The following SLC7A11 variants were observed in gnomAD, a reference collection of about 807,000 sequenced individuals.
The protein encoded by SLC7A11 is solute carrier family 7 member 11, also known as cystine/glutamate transporter.
In SLC7A11, 35 loss-of-function variants were observed where a neutral mutation model predicts 54.5. That is an observed-to-expected ratio of 0.64 (90% CI 0.49 to 0.85). The LOEUF (loss-of-function observed/expected upper bound fraction) is 0.85. Among genes scored for constraint, SLC7A11 ranks in the 40% least tolerant of loss-of-function variants. The probability of loss-of-function intolerance (pLI) is 0.00; values close to 1 mark genes in which losing one functional copy is unlikely to be tolerated. For synonymous variants in SLC7A11, 230 were observed against 225.2 expected, an observed-to-expected ratio of 1.02 and a Z score of -0.19; for missense variants, 583 against 618.1, an observed-to-expected ratio of 0.94 and a Z score of 0.60.
rs142771968 is a variant in SLC7A11 at position 138,214,244 on chromosome 4, C to T, written c.791+341G>A. Among the ~76,000 whole-genome samples, 299 of 151,830 alleles carry T rather than the reference C, an allele frequency of 2.0e-3. 3 individuals are homozygous for T. The highest frequency in any genetic ancestry group is 6.8e-3 in the African/African-American group (280 of 41,432). On this transcript the variant is annotated intron_variant, in intron 6 of 11. Transcript: ENST00000280612. ...TTAACTTTTTGAGTTCAAGCTATCC[C>T]GTGGGTAGTTTAGAGTCCGTATTAA...
intron 5 of SLC7A11, among the ~76,000 whole-genome samples, chr4:138,218,975 T>C (rs1397528454): frequency 1.3e-5 from 2 of 152,196 alleles, no homozygotes; most frequent in Non-Finnish European, 2.9e-5. Context: ...TACTGGTACA[T>C]ACTTATAAGT....
chr4:138,230,994 GTCT>G (rs992700308), intron 3 of SLC7A11, among the ~76,000 whole-genome samples: 1 of 152,026 alleles, frequency 6.6e-6, no homozygotes, highest in Non-Finnish European at 1.5e-5. Context: ...ATTTTTTATT[GTCT>G]TCTTAATAAA....
At chr4:138,214,530 T>G (rs1001641518) in intron 6 of SLC7A11, 55 bp downstream of exon 6, 9 of 1,040,100 alleles carry the variant, frequency 8.7e-6, no homozygotes, top group Non-Finnish European at 1.3e-5. Context: ...TTTTAAACTA[T>G]GTAATCTTAA....
At chr4:138,194,264 C>T (rs1208182644) in intron 6 of SLC7A11, among the ~76,000 whole-genome samples, 1 of 152,136 alleles carries the variant, frequency 6.6e-6, no homozygotes, top group African/African-American at 2.4e-5. Flanking sequence ...GCAGAACCTC[C>T]TGTAAGCCCT....
intron 11 of SLC7A11, chr4:138,175,802 G>A (rs1177304135): frequency 6.6e-6 from 1 of 152,002 alleles, no homozygotes; most frequent in Non-Finnish European, 1.5e-5. Context: ...TTTTCCGAGT[G>A]CTATTTGGTT....
chr4:138,208,022 G>A (rs1471421243), intron 6 of SLC7A11, among the ~76,000 whole-genome samples: 1 of 152,068 alleles, frequency 6.6e-6, no homozygotes, highest in African/African-American at 2.4e-5. Flanking sequence ...ACCATTTGTA[G>A]ACCAATCTGG....
At chr4:138,185,369 G>A in intron 6 of SLC7A11, 125 bp from the exon 7 acceptor site, 4 of 1,106,214 alleles carry the variant, frequency 3.6e-6, no homozygotes, top group Non-Finnish European at 4.0e-6. Flanking sequence ...AGGCTCTGTT[G>A]GGTATGTATA....
chr4:138,221,999 G>A (rs1192684568), intron 4 of SLC7A11, among the ~76,000 whole-genome samples: 4 of 152,140 alleles, frequency 2.6e-5, no homozygotes, highest in Admixed American at 1.3e-4. Flanking sequence ...CATTCCTAAC[G>A]AATAAGATAG....
intron 5 of SLC7A11, among the ~76,000 whole-genome samples, chr4:138,215,472 C>A (rs116786486): frequency 0.013 from 1,997 of 152,174 alleles, 28 homozygotes; most frequent in African/African-American, 0.032. Context: ...CCTAAATTCA[C>A]AAGTAGTCAG....
At chr4:138,206,234 G>GTC (rs919327129) in intron 6 of SLC7A11, among the ~76,000 whole-genome samples, 4 of 149,976 alleles carry the variant, frequency 2.7e-5, no homozygotes, top group African/African-American at 7.3e-5. Flanking sequence ...CTCTCTCTCT[G>GTC]TCTCTCTCTC....
intron 11 of SLC7A11, among the ~76,000 whole-genome samples, chr4:138,178,784 G>C (rs78086274): frequency 6.6e-6 from 1 of 152,012 alleles, no homozygotes; most frequent in Non-Finnish European, 1.5e-5. Flanking sequence ...TTAAGGTAGC[G>C]TACAGTCATA....
rs185660640 is a variant in SLC7A11 at position 138,232,296 on chromosome 4, G to C, written c.491C>G (p.Ala164Gly). The change falls in exon 3 of 12, where the codon GCG becomes GGG. Residue 164 changes from alanine to glycine, a missense_variant. Transcript: ENST00000280612. ...FFIQCEIPEL[A>G]IKLITAVGIT... ...GCCCACAGCTGTAATGAGCTTGATCGCAAGTTCAGGGATTTCACATTGAAT... is the reference window on the plus strand; with the variant it reads ...GCCCACAGCTGTAATGAGCTTGATCCCAAGTTCAGGGATTTCACATTGAAT... 6.2e-7 allele frequency: 1 copy of C among 1,611,486 alleles called. No individual in the cohort carries two copies.
chr4:138,172,035 T>C lies in SLC7A11; in HGVS notation c.1445-18A>G, dbSNP rs550459407. The C allele has an allele frequency of 8.9e-6, 14 of 1,572,618 alleles. No individual in the cohort carries two copies. The Admixed American group carries it at 2.5e-4, about 28-fold the overall frequency. On this transcript the variant is annotated intron_variant, in intron 11 of 11. Transcript: ENST00000280612. ...TATTTTCTCTACAAAGAAATAAAAA[T>C]GAATTAAAAATGCATGGAAATCAGA...
At chr4:138,209,875 C>T (rs1175983506) in intron 6 of SLC7A11, among the ~76,000 whole-genome samples, 1 of 151,976 alleles carries the variant, frequency 6.6e-6, no homozygotes, top group Non-Finnish European at 1.5e-5. Context: ...CCATTGTTCA[C>T]ATAATTAGAT....
chr4:138,178,373 A>G (rs1356959163), intron 11 of SLC7A11, among the ~76,000 whole-genome samples: 1 of 152,060 alleles, frequency 6.6e-6, no homozygotes, highest in Non-Finnish European at 1.5e-5. Context: ...TTCCTTATCC[A>G]TTCTATCATT....
At chr4:138,237,729 ATATATATATTTTTTTTTTTTTTT>A (rs1312360422) in intron 1 of SLC7A11, among the ~76,000 whole-genome samples, 2 of 10,316 alleles carry the variant, frequency 1.9e-4, no homozygotes, top group African/African-American at 3.7e-4. Context: ...ATATATATAT[ATATATATATTTTTTTTTTTTTTT>A]TTTTTTTTTT....
At chr4:138,204,395 T>C (rs1353264357) in intron 6 of SLC7A11, among the ~76,000 whole-genome samples, 5 of 152,086 alleles carry the variant, frequency 3.3e-5, no homozygotes, top group South Asian at 2.1e-4. Context: ...CAGATACTGT[T>C]TGTATTTTTA....
At chr4:138,232,417 G>A in intron 2 of SLC7A11, 35 bp from the exon 3 acceptor site, 1 of 1,252,226 alleles carries the variant, frequency 8.0e-7, no homozygotes, top group South Asian at 1.3e-5. Flanking sequence ...GTTAACCACA[G>A]GGGAAAAAAC....
chr4:138,201,561 A>C (rs555864030), intron 6 of SLC7A11, among the ~76,000 whole-genome samples: 1 of 152,224 alleles, frequency 6.6e-6, no homozygotes, highest in African/African-American at 2.4e-5. Context: ...TCTGAGACTG[A>C]GATAATTGTC....
Sources: gnomAD v4.1 joint callset for allele counts (sites outside exome capture counted in the v4.1 genomes callset) on GRCh38, gnomAD v4.1.1 for gene constraint, MANE v1.5 for transcripts, NCBI Gene and HGNC (gene_info 2026-07-23, HGNC 2026-07-21) for gene names.